Variants in CSTPP1 observed in about 807,000 individuals in gnomAD.
The protein encoded by CSTPP1 is UPF0705 protein C11orf49.
the CSTPP1 span, among the ~76,000 whole-genome samples, chr11:46,966,906 G>T: frequency 6.6e-6 from 1 of 152,066 alleles, no homozygotes; most frequent in Non-Finnish European, 1.5e-5. Flanking sequence ...CAGTTCTGGA[G>T]GCTCAGAAGT....
the CSTPP1 span, among the ~76,000 whole-genome samples, chr11:47,009,469 GT>G: frequency 6.6e-6 from 1 of 152,178 alleles, no homozygotes; most frequent in Non-Finnish European, 1.5e-5. Flanking sequence ...GATAGGGCCA[GT>G]TTGTGGAAGG....
chr11:47,073,570 G>C, the CSTPP1 span, among the ~76,000 whole-genome samples: 4 of 152,032 alleles, frequency 2.6e-5, no homozygotes, highest in African/African-American at 9.7e-5. Flanking sequence ...AGAAAAGGAA[G>C]CTTAGATTGG....
chr11:46,952,993 G>C, the CSTPP1 span, among the ~76,000 whole-genome samples: 1 of 152,168 alleles, frequency 6.6e-6, no homozygotes, highest in Non-Finnish European at 1.5e-5. Flanking sequence ...CTAGACTGGA[G>C]AGTGATTTGT....
the CSTPP1 span, among the ~76,000 whole-genome samples, chr11:46,947,842 G>A: frequency 3.9e-5 from 6 of 152,066 alleles, no homozygotes; most frequent in African/African-American, 1.4e-4. Context: ...TTTAAATTCA[G>A]ACTTCTCTCA....
chr11:47,056,053 G>A, the CSTPP1 span, among the ~76,000 whole-genome samples: 5 of 152,098 alleles, frequency 3.3e-5, no homozygotes, highest in African/African-American at 7.2e-5. Context: ...TAGTACAGTC[G>A]TCTCTCAGTC....
chr11:47,063,920 G>A, the CSTPP1 span, among the ~76,000 whole-genome samples: 2 of 152,140 alleles, frequency 1.3e-5, no homozygotes, highest in Admixed American at 6.5e-5. Context: ...TACAGCAGGT[G>A]TATCATTTTA....
the CSTPP1 span, among the ~76,000 whole-genome samples, chr11:46,952,053 A>AAAAAC: frequency 6.6e-6 from 1 of 152,232 alleles, no homozygotes; most frequent in African/African-American, 2.4e-5. Context: ...CTGGTGTTAT[A>AAAAAC]AAAACAAAAC....
At chr11:46,951,077 G>A in the CSTPP1 span, among the ~76,000 whole-genome samples, 1 of 152,136 alleles carries the variant, frequency 6.6e-6, no homozygotes, top group Non-Finnish European at 1.5e-5. Context: ...TGGGATTTAA[G>A]TTATATAACT....
chr11:47,161,208 G>T, the CSTPP1 span: 1 of 1,614,218 alleles, frequency 6.2e-7, no homozygotes. Context: ...TCAAGTGGGA[G>T]GATACTGCCC....
At chr11:47,068,313 T>C in the CSTPP1 span, among the ~76,000 whole-genome samples, 1 of 152,146 alleles carries the variant, frequency 6.6e-6, no homozygotes, top group African/African-American at 2.4e-5. Context: ...GGGCAGATCA[T>C]TTGAGGCCAG....
At chr11:47,143,611 A>G in the CSTPP1 span, among the ~76,000 whole-genome samples, 1 of 152,234 alleles carries the variant, frequency 6.6e-6, no homozygotes, top group East Asian at 1.9e-4. Flanking sequence ...ACAGCAGCCA[A>G]GCCAGAGATC....
the CSTPP1 span, among the ~76,000 whole-genome samples, chr11:47,000,612 C>T: frequency 6.6e-6 from 1 of 152,046 alleles, no homozygotes; most frequent in Non-Finnish European, 1.5e-5. Flanking sequence ...TTTAAGGATA[C>T]GTGAGAATAT....
chr11:47,145,635 A>G, the CSTPP1 span, among the ~76,000 whole-genome samples: 4 of 152,040 alleles, frequency 2.6e-5, no homozygotes, highest in Non-Finnish European at 4.4e-5. Flanking sequence ...TATTTAAAAA[A>G]TGTTATTATT....
At chr11:46,983,301 A>G in the CSTPP1 span, among the ~76,000 whole-genome samples, 1 of 152,206 alleles carries the variant, frequency 6.6e-6, no homozygotes, top group Non-Finnish European at 1.5e-5. Flanking sequence ...GCTAGGTTCA[A>G]GTAAGGATCA....
the CSTPP1 span, among the ~76,000 whole-genome samples, chr11:47,153,726 G>A: frequency 6.6e-6 from 1 of 152,190 alleles, no homozygotes; most frequent in Non-Finnish European, 1.5e-5. Context: ...ATTGTTATCT[G>A]TATTACAATA....
chr11:47,031,274 TAGAAG>T, the CSTPP1 span, among the ~76,000 whole-genome samples: 1 of 152,392 alleles, frequency 6.6e-6, no homozygotes, highest in African/African-American at 2.4e-5. Flanking sequence ...CGTTTGTTAC[TAGAAG>T]AGAACATGAA....
chr11:47,107,987 G>T, the CSTPP1 span, among the ~76,000 whole-genome samples: 2 of 152,232 alleles, frequency 1.3e-5, no homozygotes, highest in African/African-American at 4.8e-5. Flanking sequence ...CTGCATGTGC[G>T]CATGTGCGCA....
the CSTPP1 span, among the ~76,000 whole-genome samples, chr11:47,059,946 A>C: frequency 6.6e-6 from 1 of 151,978 alleles, no homozygotes; most frequent in African/African-American, 2.4e-5. Context: ...TTTACTAAAA[A>C]TACAAAAATT....
the CSTPP1 span, among the ~76,000 whole-genome samples, chr11:47,013,291 T>C: frequency 5.3e-5 from 8 of 151,710 alleles, no homozygotes; most frequent in African/African-American, 1.9e-4. Flanking sequence ...GATATGCAGG[T>C]TTGTTACATA....
Sources: allele counts gnomAD v4.1 joint callset (sites outside exome capture counted in the v4.1 genomes callset), GRCh38; gene constraint gnomAD v4.1.1; transcripts MANE v1.5; gene names NCBI Gene and HGNC (gene_info 2026-07-23, HGNC 2026-07-21).